ZBTB49: variants seen among roughly 807,000 people sequenced by gnomAD.
ZBTB49 encodes zinc finger and BTB domain-containing protein 49.
Under a neutral mutation model 57.5 loss-of-function variants are expected in ZBTB49, and 43 were observed. The observed-to-expected ratio is 0.75, with a 90% CI of 0.59 to 0.97. ZBTB49 has a LOEUF of 0.97. Among genes scored for constraint, ZBTB49 ranks in the 50% least tolerant of loss-of-function variants. The probability of loss-of-function intolerance (pLI) is 0.00; values close to 1 mark genes in which losing one functional copy is unlikely to be tolerated. For missense variants in ZBTB49, 938 were observed against 947.7 expected, an observed-to-expected ratio of 0.99 and a Z score of 0.13; for synonymous variants, 369 against 362.1, an observed-to-expected ratio of 1.02 and a Z score of -0.22.
Position 4,320,945 on chromosome 4 carries a change from G to A in ZBTB49, c.1927G>A (p.Glu643Lys), listed in dbSNP as rs749051583. 14 of 1,614,104 alleles carry A rather than the reference G, an allele frequency of 8.7e-6. No individual in the cohort carries two copies. Among genetic ancestry groups the A allele is most frequent in the Non-Finnish European group, 1.2e-5 (14 of 1,180,060 alleles). The change falls in exon 8 of 8, where the codon GAA becomes AAA. Residue 643 changes from glutamate to lysine, a missense_variant. Physicochemically the swap from Glu to Lys is moderately conservative, Grantham distance 56. Transcript: ENST00000337872. ...PVHPVENSVAEFDSHSGGSYC... is the reference protein window; with the variant it reads ...PVHPVENSVAKFDSHSGGSYC... ...CCACCCAGTGGAAAATTCTGTGGCA[G>A]AATTTGATAGCCACTCTGGCGGCTC...
rs1577230388 is a variant in ZBTB49, at chr4:4,297,058, C to CTTTTATTTTATTTATTTAT, written c.-19-2859_-19-2841dup. Among the ~76,000 whole-genome samples the CTTTTATTTTATTTATTTAT allele has an allele frequency of 9.2e-5, 14 of 152,186 alleles. No homozygotes were observed. The East Asian group carries it at 2.7e-3, about 29-fold the overall frequency. On this transcript the variant is annotated intron_variant, in intron 1 of 7. Coordinates refer to ENST00000337872, the MANE Select transcript of ZBTB49 (RefSeq NM_145291.4). ...TCAAGTTATACATCGGTTCAACCTT[C>CTTTTATTTTATTTATTTAT]TTTTATTTTATTTATTTATTTTTAT...
chr4:4,313,730 C>T (rs1721073971), intron 5 of ZBTB49, among the ~76,000 whole-genome samples: 1 of 152,200 alleles, frequency 6.6e-6, no homozygotes, highest in African/African-American at 2.4e-5. Context: ...GCACCCTCGA[C>T]CCTCCTTCCT....
At position 4,299,778 on chromosome 4, in the gene ZBTB49, TGTGTGTG is replaced by T. The variant is rs766412224; in HGVS notation, c.-19-148_-19-142del. 117 of 518,640 alleles carry T rather than the reference TGTGTGTG, an allele frequency of 2.3e-4. 2 individuals are homozygous for T. The highest frequency in any genetic ancestry group is 1.0e-3 in the Middle Eastern group (2 of 1,912). 32.1% of individuals were successfully genotyped at this position (518,640 alleles called of 1,614,324 possible). On this transcript the variant is annotated intron_variant, in intron 1 of 7. Transcript: ENST00000337872. The stretch of plus-strand genomic sequence containing the variant: ...GGTCTAGATGCCTCAGAAACAGAGG[TGTGTGTG>T]TGTGTGTGTGTGTGTGTGTGTGTGT...
chr4:4,314,379 T>G (rs1301273696), intron 5 of ZBTB49, among the ~76,000 whole-genome samples: 1 of 152,250 alleles, frequency 6.6e-6, no homozygotes, highest in Admixed American at 6.5e-5. Flanking sequence ...TTTTATTTAT[T>G]TATTTTTTTG....
intron 1 of ZBTB49, among the ~76,000 whole-genome samples, chr4:4,293,704 G>A (rs1348476879): frequency 6.6e-6 from 1 of 152,248 alleles, no homozygotes; most frequent in East Asian, 1.9e-4. Context: ...TTCAGTTGGA[G>A]GAGGGGCCAG....
intron 3 of ZBTB49, among the ~76,000 whole-genome samples, chr4:4,304,387 T>G (rs1288584700): frequency 6.6e-6 from 1 of 152,010 alleles, no homozygotes. Context: ...CACCAATTTT[T>G]TTGTATTTTT....
At chr4:4,300,194 T>G (rs943348462) in intron 2 of ZBTB49, 97 bp downstream of exon 2, 82 of 1,351,482 alleles carry the variant, frequency 6.1e-5, no homozygotes, top group Non-Finnish European at 8.2e-5. Context: ...GATTTCACTA[T>G]CTTTATCTTT....
At chr4:4,299,806 T>TGTGTGA in intron 1 of ZBTB49, 121 bp from the exon 2 acceptor site, 1 of 732,140 alleles carries the variant, frequency 1.4e-6, no homozygotes. Context: ...TGTGTGTGTG[T>TGTGTGA]GTGTGAGAGA....
chr4:4,293,144 G>T (rs1011819878), intron 1 of ZBTB49, among the ~76,000 whole-genome samples: 1 of 152,174 alleles, frequency 6.6e-6, no homozygotes, highest in Non-Finnish European at 1.5e-5. Flanking sequence ...TGTATTGAGT[G>T]CCTATTATGT....
chr4:4,299,901 G>C, intron 1 of ZBTB49, 26 bp from the exon 2 acceptor site: 1 of 1,607,160 alleles, frequency 6.2e-7, no homozygotes, highest in Non-Finnish European at 8.5e-7. Flanking sequence ...AAGAATATCT[G>C]TCGTATCTGT....
At chr4:4,299,157 CCACT>C (rs2108873187) in intron 1 of ZBTB49, among the ~76,000 whole-genome samples, 1 of 152,284 alleles carries the variant, frequency 6.6e-6, no homozygotes, top group East Asian at 1.9e-4. Context: ...TCATCTCCTG[CCACT>C]CACTCAGCCA....
At chr4:4,308,705 A>G (rs2920211) in intron 4 of ZBTB49, among the ~76,000 whole-genome samples, 125,470 of 152,214 alleles carry the variant, frequency 0.82, 51,781 homozygotes, top group Admixed American at 0.84. Flanking sequence ...TGTGCCGGGA[A>G]GGGGGACAGA....
chr4:4,299,191 C>T (rs1021520174), intron 1 of ZBTB49, among the ~76,000 whole-genome samples: 1 of 152,174 alleles, frequency 6.6e-6, no homozygotes. Context: ...CCAGCAAGCT[C>T]CTGCCTCAGA....
intron 1 of ZBTB49, among the ~76,000 whole-genome samples, chr4:4,293,378 A>T (rs535026092): frequency 6.6e-6 from 1 of 152,344 alleles, no homozygotes; most frequent in African/African-American, 2.4e-5. Context: ...GATTACCTGG[A>T]CAATCAGGCA....
At chr4:4,301,141 T>G (rs193207054) in intron 2 of ZBTB49, among the ~76,000 whole-genome samples, 3 of 152,346 alleles carry the variant, frequency 2.0e-5, no homozygotes, top group Admixed American at 1.3e-4. Flanking sequence ...GATATTGTGA[T>G]ACACAGGCTG....
At chr4:4,296,264 T>A (rs147315690) in intron 1 of ZBTB49, among the ~76,000 whole-genome samples, 6 of 152,276 alleles carry the variant, frequency 3.9e-5, no homozygotes, top group African/African-American at 1.4e-4. Flanking sequence ...AAAGTCTGTT[T>A]CAGTGGAGTG....
chr4:4,301,421 G>A (rs1472790348), intron 2 of ZBTB49, among the ~76,000 whole-genome samples: 1 of 152,060 alleles, frequency 6.6e-6, no homozygotes, highest in Non-Finnish European at 1.5e-5. Context: ...TGGTTACAAA[G>A]GAATGTATGT....
Position 4,302,840 on chromosome 4 carries a change from A to G in ZBTB49, c.1004A>G (p.Lys335Arg). The change falls in exon 3 of 8, where the codon AAG (lysine) becomes AGG (arginine). Residue 335 changes from lysine to arginine, a missense_variant. Physicochemically the swap from Lys to Arg is conservative, Grantham distance 26. Coordinates refer to ENST00000337872, the MANE Select transcript of ZBTB49 (RefSeq NM_145291.4). ...CCCAAGTCAGATGATGGTTTGACAA[A>G]GAGGTTGGAATCTGCTAGTAAAAAT... is the stretch of plus-strand genomic sequence containing the variant. ...SEPKSDDGLT[K>R]RLESASKNTL... 1 of 1,613,928 alleles carries G rather than the reference A, an allele frequency of 6.2e-7. No homozygotes were observed. The highest frequency in any genetic ancestry group is 8.5e-7 in the Non-Finnish European group (1 of 1,179,826).
intron 4 of ZBTB49, 47 bp downstream of exon 4, chr4:4,306,231 A>G (rs1305849718): frequency 6.6e-7 from 1 of 1,524,504 alleles, no homozygotes; most frequent in South Asian, 1.1e-5. Context: ...CCTGCAACAC[A>G]GTGTTTTTTT....
Sources: gnomAD v4.1 joint callset for allele counts (sites outside exome capture counted in the v4.1 genomes callset) on GRCh38, gnomAD v4.1.1 for gene constraint, MANE v1.5 for transcripts, NCBI Gene and HGNC (gene_info 2026-07-23, HGNC 2026-07-21) for gene names.